The following MMP26 variants were observed in gnomAD, a reference collection of about 807,000 sequenced individuals.
The protein encoded by MMP26 is matrix metallopeptidase 26.
A neutral mutation model predicts 31.0 loss-of-function variants in MMP26; 33 were observed. The ratio of observed to expected loss-of-function variants is 1.06; its 90% CI spans 0.81 to 1.42. MMP26 has a LOEUF of 1.42. MMP26 is among the 40% of genes most tolerant of loss of function. MMP26 has a pLI of 0.00. For missense variants in MMP26, 347 were observed against 316.1 expected (o/e 1.10, Z -0.74); for synonymous variants, 122 against 114.9 (o/e 1.06, Z -0.40).
At chr11:4,872,442 G>A (rs1012170819) in intron 2 of MMP26, among the ~76,000 whole-genome samples, 1 of 151,982 alleles carries the variant, frequency 6.6e-6, no homozygotes, top group African/African-American at 2.4e-5. Flanking sequence ...GGGAGTATGT[G>A]ATTCTACCAA....
At position 4,713,107 on chromosome 11, in the gene MMP26, A is replaced by G. The variant is rs143682738; in HGVS notation, c.-217+8062A>G. 2.0e-5 allele frequency among the ~76,000 whole-genome samples: 3 copies of G among 152,102 alleles called. No homozygotes were observed. In the East Asian group the frequency reaches 5.8e-4, roughly 29 times the overall value. ...TTTAGGGGGAAAATGTGATGTTTGT[A>G]CCATTCAGGTTGATATTGAAACCAA... On this transcript the variant is annotated intron_variant, in intron 1 of 7. Coordinates refer to ENST00000380390, the MANE Select transcript of MMP26 (RefSeq NM_021801.5).
intron 1 of MMP26, among the ~76,000 whole-genome samples, chr11:4,742,487 C>T (rs143130688): frequency 1.9e-3 from 286 of 152,094 alleles, no homozygotes; most frequent in South Asian, 0.013. Flanking sequence ...ACTGGGTCGC[C>T]GGATGCCTAG....
intron 2 of MMP26, among the ~76,000 whole-genome samples, chr11:4,978,556 TA>T (rs1236592731): frequency 6.6e-5 from 10 of 152,088 alleles, no homozygotes; most frequent in African/African-American, 2.4e-4. Context: ...TCAGAGTGGG[TA>T]AATGGAAGCG....
chr11:4,764,570 A>C (rs530917564), intron 1 of MMP26, among the ~76,000 whole-genome samples: 1 of 152,176 alleles, frequency 6.6e-6, no homozygotes, highest in African/African-American at 2.4e-5. Context: ...GCTACAAAAA[A>C]TCTGTACAAA....
intron 3 of MMP26, 40 bp downstream of exon 3, chr11:4,988,350 C>A: frequency 6.7e-7 from 1 of 1,491,378 alleles, no homozygotes; most frequent in South Asian, 1.1e-5. Context: ...ACATGGTGAC[C>A]ATTGTGGGCT....
At chr11:4,779,108 G>A (rs886076896) in intron 2 of MMP26, among the ~76,000 whole-genome samples, 1 of 151,648 alleles carries the variant, frequency 6.6e-6, no homozygotes, top group Non-Finnish European at 1.5e-5. Flanking sequence ...TACTTTTCTT[G>A]CCTCATTTCA....
chr11:4,957,019 A>G (rs1246918962), intron 2 of MMP26, among the ~76,000 whole-genome samples: 1 of 152,180 alleles, frequency 6.6e-6, no homozygotes, highest in Non-Finnish European at 1.5e-5. Context: ...CTCAAGATCA[A>G]GTCGTCTGTT....
At chr11:4,957,117 A>G (rs1846454700) in intron 2 of MMP26, among the ~76,000 whole-genome samples, 1 of 152,224 alleles carries the variant, frequency 6.6e-6, no homozygotes. Context: ...CCACACTGTC[A>G]GGATGGTCAA....
In MMP26 at chr11:4,705,861, A is replaced by G. The variant is rs546591485; in HGVS notation, c.-217+816A>G. On this transcript the variant is annotated intron_variant, in intron 1 of 7. Transcript: ENST00000380390. ...AAATTAGCTGGGTGTGGTGGCATGT[A>G]CCTGTAGTCCTAGCTACTCGGGAGG... 7.3e-5 allele frequency among the ~76,000 whole-genome samples: 11 copies of G among 150,938 alleles called. No homozygotes were observed. The South Asian group carries it at 1.9e-3, about 26-fold the overall frequency.
intron 2 of MMP26, among the ~76,000 whole-genome samples, chr11:4,793,092 T>G (rs1750174011): frequency 6.6e-6 from 1 of 152,200 alleles, no homozygotes; most frequent in Non-Finnish European, 1.5e-5. Context: ...TGGGCGGGTG[T>G]GTTTAGAAGC....
rs1470145160 is a variant in MMP26 at position 4,822,485 on chromosome 11, T to G, written c.-145+55144T>G. The G allele has an allele frequency of 4.0e-6, 4 of 1,000,010 alleles. No homozygotes were observed. The East Asian group carries it at 1.2e-4, about 29-fold the overall frequency. The allele number at this position is 1,000,010 out of a possible 1,614,324, so 61.9% of individuals were successfully genotyped here. A position where few individuals can be genotyped will look rare whatever the true frequency, so the allele number is the denominator to read the frequency against. ...CCTCCAACAGTCCAAACTAAGCAATTTATAGGTTATGTGACATTTATTTAG... is the reference window on the plus strand; with the variant it reads ...CCTCCAACAGTCCAAACTAAGCAATGTATAGGTTATGTGACATTTATTTAG... On this transcript the variant is annotated intron_variant, in intron 2 of 7. Coordinates refer to ENST00000380390, the MANE Select transcript of MMP26 (RefSeq NM_021801.5).
At chr11:4,705,973 G>T (rs1482057824) in intron 1 of MMP26, among the ~76,000 whole-genome samples, 1 of 150,156 alleles carries the variant, frequency 6.7e-6, no homozygotes, top group East Asian at 2.0e-4. Flanking sequence ...GGTGGGGGCG[G>T]GTGGTGGTGG....
At chr11:4,938,315 A>T (rs1846157839) in intron 2 of MMP26, 1 of 152,178 alleles carries the variant, frequency 6.6e-6, no homozygotes, top group Admixed American at 6.6e-5. Flanking sequence ...AAGATGCTTT[A>T]CTAGGTGCTT....
chr11:4,727,949 C>T (rs1199090789), intron 1 of MMP26, among the ~76,000 whole-genome samples: 1 of 152,186 alleles, frequency 6.6e-6, no homozygotes, highest in Non-Finnish European at 1.5e-5. Flanking sequence ...TGTCACAACA[C>T]TGCTGAGTGT....
At chr11:4,973,535 A>C (rs1159715975) in intron 2 of MMP26, 1 of 152,690 alleles carries the variant, frequency 6.5e-6, no homozygotes, top group Non-Finnish European at 1.5e-5. Flanking sequence ...CATTATAAGA[A>C]GTACAGATGA....
chr11:4,709,130 T>G (rs1847824003), intron 1 of MMP26, among the ~76,000 whole-genome samples: 1 of 152,210 alleles, frequency 6.6e-6, no homozygotes, highest in Admixed American at 6.5e-5. Flanking sequence ...TTAATGCACC[T>G]TAGGGTTTTT....
chr11:4,771,564 A>G (rs1848720623), intron 2 of MMP26, among the ~76,000 whole-genome samples: 1 of 152,228 alleles, frequency 6.6e-6, no homozygotes, highest in Admixed American at 6.5e-5. Flanking sequence ...GTCAATTAAT[A>G]TATTTATATT....
intron 2 of MMP26, chr11:4,882,062 C>T (rs763949372): frequency 1.5e-5 from 25 of 1,613,734 alleles, no homozygotes; most frequent in African/African-American, 8.0e-5. Context: ...CATTACTAAG[C>T]GGAGACTCCA....
At chr11:4,905,473 G>T (rs1452249153) in intron 2 of MMP26, among the ~76,000 whole-genome samples, 1 of 152,034 alleles carries the variant, frequency 6.6e-6, no homozygotes. Context: ...TCACAGTTAA[G>T]CTTCCATATA....
Sources: allele counts gnomAD v4.1 joint callset (sites outside exome capture counted in the v4.1 genomes callset), GRCh38; gene constraint gnomAD v4.1.1; transcripts MANE v1.5; gene names NCBI Gene and HGNC (gene_info 2026-07-23, HGNC 2026-07-21).